RANBP2: variants seen among roughly 807,000 people sequenced by gnomAD.
RANBP2 encodes the protein E3 SUMO-protein ligase RanBP2.
Under a neutral mutation model 303.6 loss-of-function variants are expected in RANBP2, and 57 were observed. The observed-to-expected ratio is 0.19, with a 90% CI of 0.15 to 0.23. The LOEUF (loss-of-function observed/expected upper bound fraction) is 0.23. RANBP2 is among the 10% of genes least tolerant of loss of function. The probability of loss-of-function intolerance (pLI) is 1.00; values close to 1 mark genes in which losing one functional copy is unlikely to be tolerated. For missense variants in RANBP2, 3,138 were observed against 3,780.8 expected (o/e 0.83, Z 4.46); for synonymous variants, 1,167 against 1,301.5 (o/e 0.90, Z 2.23).
chr2:108,910,779 G>A, the RANBP2 span: 1 of 1,612,986 alleles, frequency 6.2e-7, no homozygotes. Flanking sequence ...CACAGACCTG[G>A]GGCCTCTTTC....
chr2:108,963,595 CAG>C, the RANBP2 span, among the ~76,000 whole-genome samples: 8 of 152,146 alleles, frequency 5.3e-5, no homozygotes, highest in African/African-American at 1.9e-4. Flanking sequence ...ATAGTCAAGA[CAG>C]AAGACAATTA....
At chr2:109,662,436 G>A in the RANBP2 span, among the ~76,000 whole-genome samples, 3 of 152,016 alleles carry the variant, frequency 2.0e-5, no homozygotes, top group African/African-American at 7.2e-5. Flanking sequence ...ACAGGCACCC[G>A]CCACCATGCC....
chr2:109,414,007 T>C, the RANBP2 span, among the ~76,000 whole-genome samples: 4 of 152,364 alleles, frequency 2.6e-5, no homozygotes, highest in East Asian at 7.7e-4. Flanking sequence ...TCCTTGGCCA[T>C]TCCACAGCAT....
chr2:109,323,121 C>A, the RANBP2 span, among the ~76,000 whole-genome samples: 1 of 152,170 alleles, frequency 6.6e-6, no homozygotes, highest in African/African-American at 2.4e-5. Flanking sequence ...GGGCTCCCAG[C>A]ATATGCTCCA....
the RANBP2 span, among the ~76,000 whole-genome samples, chr2:109,004,185 G>C: frequency 6.6e-6 from 1 of 152,200 alleles, no homozygotes; most frequent in Admixed American, 6.5e-5. Context: ...AGGAGCTCAT[G>C]GCAACTTCGT....
the RANBP2 span, among the ~76,000 whole-genome samples, chr2:108,805,427 T>C: frequency 6.6e-6 from 1 of 152,270 alleles, no homozygotes; most frequent in East Asian, 1.9e-4. Context: ...AGTATACTTA[T>C]TTATATAAGT....
chr2:109,494,279 A>T, the RANBP2 span, among the ~76,000 whole-genome samples: 2 of 146,570 alleles, frequency 1.4e-5, no homozygotes, highest in Admixed American at 7.1e-5. Context: ...GGGTCATTGT[A>T]CCCAGAGACT....
At chr2:109,158,205 C>T in the RANBP2 span, among the ~76,000 whole-genome samples, 1 of 152,296 alleles carries the variant, frequency 6.6e-6, no homozygotes, top group Non-Finnish European at 1.5e-5. Flanking sequence ...GAAATGATTG[C>T]TCTGGGGAGG....
the RANBP2 span, among the ~76,000 whole-genome samples, chr2:109,435,289 G>C: frequency 6.6e-6 from 1 of 152,214 alleles, no homozygotes; most frequent in African/African-American, 2.4e-5. Flanking sequence ...AGAAGTGGAA[G>C]ACACCTGTCC....
chr2:108,881,155 G>A, the RANBP2 span, among the ~76,000 whole-genome samples: 3 of 152,224 alleles, frequency 2.0e-5, no homozygotes, highest in South Asian at 2.1e-4. Context: ...CTGTTGTGTA[G>A]TGTAGCCACT....
chr2:109,614,104 G>T, the RANBP2 span: 1 of 1,209,998 alleles, frequency 8.3e-7, no homozygotes, highest in Non-Finnish European at 1.0e-6. Context: ...GAGCGTCAGC[G>T]TTGGGGCGGG....
Position 108,775,919 on chromosome 2 carries a change from C to A in RANBP2, c.8480C>A (p.Thr2827Lys). The A allele has an allele frequency of 6.2e-7, 1 of 1,610,370 alleles. No homozygotes were observed. The highest frequency in any genetic ancestry group is 8.5e-7 in the Non-Finnish European group (1 of 1,179,604). ...TTGTCAACTAGAAAGGAAATTGATACAGATTCTACAAGCCAAGGTAAATCT... is the reference window on the plus strand; with the variant it reads ...TTGTCAACTAGAAAGGAAATTGATAAAGATTCTACAAGCCAAGGTAAATCT... ...VDLSTRKEID[T>K]DSTSQGESKI... Residue 2827 changes from threonine to lysine, a missense_variant, in exon 24 of 29, where the codon ACA (threonine) becomes AAA (lysine). Physicochemically the swap from Thr to Lys is moderately conservative, Grantham distance 78. Transcript: ENST00000283195.
chr2:108,838,311 A>G, the RANBP2 span, among the ~76,000 whole-genome samples: 3 of 152,206 alleles, frequency 2.0e-5, no homozygotes, highest in Admixed American at 2.0e-4. Flanking sequence ...AAAACATCAT[A>G]ATATACAGAA....
the RANBP2 span, among the ~76,000 whole-genome samples, chr2:109,709,446 G>A: frequency 6.6e-6 from 1 of 152,222 alleles, no homozygotes; most frequent in African/African-American, 2.4e-5. Flanking sequence ...CCACCATGCA[G>A]TGTGGGGTTT....
the RANBP2 span, among the ~76,000 whole-genome samples, chr2:109,450,200 G>A: frequency 2.2e-4 from 34 of 152,292 alleles, no homozygotes; most frequent in African/African-American, 7.0e-4. Context: ...ACAAAAATTA[G>A]CCAGGCATGG....
chr2:109,747,875 G>A, the RANBP2 span, among the ~76,000 whole-genome samples: 3 of 139,730 alleles, frequency 2.1e-5, no homozygotes, highest in Non-Finnish European at 4.6e-5. Context: ...TAACATCAAG[G>A]TTAGAATGCC....
chr2:109,005,853 C>A, the RANBP2 span, among the ~76,000 whole-genome samples: 1 of 152,312 alleles, frequency 6.6e-6, no homozygotes, highest in African/African-American at 2.4e-5. Context: ...CAACAGCTGA[C>A]GTCGTTCTCA....
chr2:109,120,291 TAAC>T, the RANBP2 span, among the ~76,000 whole-genome samples: 2 of 152,352 alleles, frequency 1.3e-5, no homozygotes, highest in East Asian at 3.9e-4. Flanking sequence ...TCACTCTGTT[TAAC>T]AACCAGGGCT....
chr2:108,995,583 C>T, the RANBP2 span, among the ~76,000 whole-genome samples: 1 of 152,226 alleles, frequency 6.6e-6, no homozygotes, highest in African/African-American at 2.4e-5. Flanking sequence ...TCTTCCCAGC[C>T]TCCCTTCTCC....
Sources: gnomAD v4.1 joint callset for allele counts (sites outside exome capture counted in the v4.1 genomes callset) on GRCh38, gnomAD v4.1.1 for gene constraint, MANE v1.5 for transcripts, NCBI Gene and HGNC (gene_info 2026-07-23, HGNC 2026-07-21) for gene names.